SH3BGRL2: variants seen among roughly 807,000 people sequenced by gnomAD.
SH3BGRL2 encodes SH3 domain binding glutamate rich protein like 2, also known as SH3 domain-binding glutamic acid-rich-like protein 2.
In SH3BGRL2, 21 loss-of-function variants were observed where a neutral mutation model predicts 14.8. The observed-to-expected ratio is 1.42, with a 90% CI of 1.01 to 2.05. The LOEUF is 2.05. SH3BGRL2 is among the 30% of genes most tolerant of loss of function. The pLI is 0.00. For synonymous variants in SH3BGRL2, 50 were observed against 47.8 expected (o/e 1.05, Z -0.19); for missense variants, 147 against 130.8 (o/e 1.12, Z -0.61).
rs113372099 is a variant in SH3BGRL2 at position 79,699,617 on chromosome 6, G to GT, written c.*109dup. On this transcript the variant is annotated 3_prime_UTR_variant, in exon 4 of 4. Coordinates refer to ENST00000369838, the MANE Select transcript of SH3BGRL2 (RefSeq NM_031469.4). Reference sequence around the variant, plus strand: ...GTGACAAAAGCCACACGCATTATCAGTAACTTTGCTTGCCACGGAAAAGGT... The same window carrying GT: ...GTGACAAAAGCCACACGCATTATCAGTTAACTTTGCTTGCCACGGAAAAGGT... 0.018 allele frequency: 24,673 copies of GT among 1,357,184 alleles called. 3,677 individuals carry two copies. In the African/African-American group the frequency reaches 0.32, roughly 18 times the overall value. 84.1% of individuals were successfully genotyped at this position (1,357,184 alleles called of 1,614,324 possible). A position where few individuals can be genotyped will look rare whatever the true frequency, so the allele number is the denominator to read the frequency against.
chr6:79,582,836 G>T, the SH3BGRL2 span, among the ~76,000 whole-genome samples: 1 of 152,194 alleles, frequency 6.6e-6, no homozygotes, highest in Admixed American at 6.5e-5. Flanking sequence ...ACTACCATCA[G>T]AGTGAACAGG....
chr6:79,559,604 A>G, the SH3BGRL2 span, among the ~76,000 whole-genome samples: 1 of 152,240 alleles, frequency 6.6e-6, no homozygotes, highest in African/African-American at 2.4e-5. Context: ...CCTTTACTGG[A>G]GGAAACAAAA....
At chr6:79,666,925 A>G (rs1769671918) in intron 1 of SH3BGRL2, among the ~76,000 whole-genome samples, 1 of 152,240 alleles carries the variant, frequency 6.6e-6, no homozygotes. Flanking sequence ...TATTTTTGAC[A>G]GAGGCCACAT....
chr6:79,630,218 A>G (rs3812159), upstream of SH3BGRL2, among the ~76,000 whole-genome samples: 11,309 of 152,318 alleles, frequency 0.074, 534 homozygotes, highest in Non-Finnish European at 0.11. Flanking sequence ...AATTTGAAAT[A>G]TTCATAACTG....
chr6:79,539,045 C>T, the SH3BGRL2 span, among the ~76,000 whole-genome samples: 1 of 152,122 alleles, frequency 6.6e-6, no homozygotes, highest in Admixed American at 6.5e-5. Context: ...ATATTTAAGA[C>T]GCTGGGAGAA....
chr6:79,627,738 A>C (rs1350630294), upstream of SH3BGRL2, among the ~76,000 whole-genome samples: 2 of 151,622 alleles, frequency 1.3e-5, no homozygotes, highest in African/African-American at 4.8e-5. Context: ...AGTGTAGGAG[A>C]TCTCCAAGGG....
chr6:79,559,006 T>C, the SH3BGRL2 span, among the ~76,000 whole-genome samples: 1 of 152,138 alleles, frequency 6.6e-6, no homozygotes, highest in Non-Finnish European at 1.5e-5. Context: ...ACTGGTCAAA[T>C]CTGGGACAAT....
the SH3BGRL2 span, among the ~76,000 whole-genome samples, chr6:79,614,302 T>A: frequency 6.6e-6 from 1 of 152,156 alleles, no homozygotes; most frequent in African/African-American, 2.4e-5. Flanking sequence ...TAGATTCTCC[T>A]GGGTTTGGTT....
At chr6:79,656,190 A>C (rs1273632020) in intron 1 of SH3BGRL2, among the ~76,000 whole-genome samples, 1 of 152,250 alleles carries the variant, frequency 6.6e-6, no homozygotes, top group Admixed American at 6.5e-5. Context: ...AGGGTTTGGC[A>C]TGGGCCAGTG....
At chr6:79,558,516 A>G in the SH3BGRL2 span, among the ~76,000 whole-genome samples, 1 of 152,194 alleles carries the variant, frequency 6.6e-6, no homozygotes, top group African/African-American at 2.4e-5. Flanking sequence ...CTAACTATAT[A>G]TAGTCATATA....
the SH3BGRL2 span, among the ~76,000 whole-genome samples, chr6:79,548,650 C>G: frequency 6.6e-6 from 1 of 152,176 alleles, no homozygotes. Context: ...TACCATATGT[C>G]TAGCACCTAG....
chr6:79,569,125 C>T, the SH3BGRL2 span, among the ~76,000 whole-genome samples: 1 of 152,146 alleles, frequency 6.6e-6, no homozygotes, highest in South Asian at 2.1e-4. Flanking sequence ...GTACGATATA[C>T]ATTGGTTCTG....
the SH3BGRL2 span, among the ~76,000 whole-genome samples, chr6:79,538,018 G>GTTTTTTTTTTTTT: frequency 2.4e-3 from 106 of 44,158 alleles, 32 homozygotes; most frequent in South Asian, 3.2e-3. Flanking sequence ...TTGCACACAA[G>GTTTTTTTTTTTTT]TTTTTTTTTT....
the SH3BGRL2 span, among the ~76,000 whole-genome samples, chr6:79,604,360 C>T: frequency 6.6e-6 from 1 of 152,210 alleles, no homozygotes; most frequent in Non-Finnish European, 1.5e-5. Context: ...TGCCATGTAG[C>T]TTATGTGAGT....
At chr6:79,602,541 T>A in the SH3BGRL2 span, among the ~76,000 whole-genome samples, 1 of 152,146 alleles carries the variant, frequency 6.6e-6, no homozygotes, top group African/African-American at 2.4e-5. Context: ...GGCTCCAGAT[T>A]TGTAATTAAT....
At chr6:79,590,455 A>ATATATATATATATATG in the SH3BGRL2 span, among the ~76,000 whole-genome samples, 136 of 116,122 alleles carry the variant, frequency 1.2e-3, 5 homozygotes, top group East Asian at 0.018. Flanking sequence ...ATATATATAT[A>ATATATATATATATATG]TATATATATG....
intron 1 of SH3BGRL2, among the ~76,000 whole-genome samples, chr6:79,659,810 T>G (rs923526049): frequency 6.6e-6 from 1 of 152,224 alleles, no homozygotes; most frequent in Non-Finnish European, 1.5e-5. Context: ...CCTCTCTTAT[T>G]TCTTTGAGCA....
At chr6:79,579,591 G>A in the SH3BGRL2 span, among the ~76,000 whole-genome samples, 1 of 152,104 alleles carries the variant, frequency 6.6e-6, no homozygotes, top group Non-Finnish European at 1.5e-5. Context: ...TTACAGACAA[G>A]CAAATGCTGA....
intron 1 of SH3BGRL2, among the ~76,000 whole-genome samples, chr6:79,671,921 G>A (rs1486574274): frequency 1.3e-5 from 2 of 152,104 alleles, no homozygotes; most frequent in South Asian, 2.1e-4. Context: ...TTCCTTCTAC[G>A]GATTAACTTT....
Sources: allele counts gnomAD v4.1 joint callset (sites outside exome capture counted in the v4.1 genomes callset), GRCh38; gene constraint gnomAD v4.1.1; transcripts MANE v1.5; gene names NCBI Gene and HGNC (gene_info 2026-07-23, HGNC 2026-07-21).